Variants in ZMYND11 observed in about 807,000 individuals in gnomAD.
The protein encoded by ZMYND11 is zinc finger MYND domain-containing protein 11.
In ZMYND11, 9 loss-of-function variants were observed where a neutral mutation model predicts 84.9. The observed-to-expected ratio is 0.11, with a 90% CI of 0.06 to 0.18. The LOEUF (loss-of-function observed/expected upper bound fraction) is 0.18, where lower values mean the gene tolerates loss of function less well. Ranked by LOEUF, ZMYND11 falls within the 10% of genes least tolerant of loss-of-function variation. The probability of loss-of-function intolerance (pLI) is 1.00; values close to 1 mark genes in which losing one functional copy is unlikely to be tolerated. For synonymous variants in ZMYND11, 250 were observed against 244.1 expected (o/e 1.02, Z -0.23); for missense variants, 409 against 761.0 (o/e 0.54, Z 5.44).
intron 3 of ZMYND11, among the ~76,000 whole-genome samples, chr10:211,383 T>G (rs1588982174): frequency 6.6e-6 from 1 of 152,212 alleles, no homozygotes; most frequent in African/African-American, 2.4e-5. Flanking sequence ...CTCTAAAATC[T>G]AAAATTATAA....
At position 221,214 on chromosome 10, in the gene ZMYND11, A is replaced by G; in HGVS notation, c.296A>G (p.His99Arg). Residue 99 changes from histidine to arginine, a missense_variant, in exon 4 of 15, where the codon CAT becomes CGT. By Grantham distance (29) the His-to-Arg change is conservative (BLOSUM62 0). Coordinates refer to ENST00000381604, the MANE Select transcript of ZMYND11 (RefSeq NM_001370100.5). ...GDEIDWETEN[H>R]DWYCFECHLP... ...TTGTAGGACTGGGAAACAGAAAATC[A>G]TGACTGGTATTGTTTTGAATGCCAT... 1 of 1,613,792 alleles carries G rather than the reference A, an allele frequency of 6.2e-7. No individual in the cohort carries two copies. Among genetic ancestry groups the G allele is most frequent in the South Asian group, 1.1e-5 (1 of 91,048 alleles).
intron 2 of ZMYND11, among the ~76,000 whole-genome samples, chr10:203,559 G>C (rs1377988635): frequency 6.6e-6 from 1 of 152,144 alleles, no homozygotes; most frequent in Non-Finnish European, 1.5e-5. Context: ...TAAAATTACT[G>C]TGGATGAATA....
chr10:139,427 A>C (rs1836934133), intron 1 of ZMYND11, among the ~76,000 whole-genome samples: 1 of 152,270 alleles, frequency 6.6e-6, no homozygotes, highest in Admixed American at 6.5e-5. Context: ...ACATACTTTC[A>C]GTTACTTGCA....
chr10:242,146 T>G lies in ZMYND11; in HGVS notation c.950+7T>G. On this transcript the variant is annotated splice_region_variant and intron_variant, in intron 10 of 14. Transcript: ENST00000381604. Reference sequence around the variant, plus strand: ...TTGGCCACCACCACCAGAGGTAATTTGTGATCCCATGTTCAGCGGTCACAG... The same window carrying G: ...TTGGCCACCACCACCAGAGGTAATTGGTGATCCCATGTTCAGCGGTCACAG... The G allele has an allele frequency of 6.2e-7, 1 of 1,614,112 alleles. No homozygotes were observed.
At chr10:209,067 C>G (rs1944705472) in intron 2 of ZMYND11, among the ~76,000 whole-genome samples, 1 of 151,434 alleles carries the variant, frequency 6.6e-6, no homozygotes, top group African/African-American at 2.4e-5. Context: ...AGAGAGAGAT[C>G]AGCGTTGAGG....
At chr10:158,540 C>A (rs1355572666) in intron 1 of ZMYND11, among the ~76,000 whole-genome samples, 1 of 151,448 alleles carries the variant, frequency 6.6e-6, no homozygotes, top group African/African-American at 2.4e-5. Flanking sequence ...CTTCAGCCTC[C>A]TGAGTAGCTG....
intron 2 of ZMYND11, among the ~76,000 whole-genome samples, chr10:193,246 T>TATGTTTC (rs1422582927): frequency 2.0e-5 from 3 of 152,200 alleles, no homozygotes; most frequent in Non-Finnish European, 4.4e-5. Flanking sequence ...CTTATTATCT[T>TATGTTTC]ATGTTTCACT....
chr10:190,070 C>T (rs924771114), intron 2 of ZMYND11, among the ~76,000 whole-genome samples: 6 of 152,042 alleles, frequency 3.9e-5, no homozygotes, highest in Non-Finnish European at 7.4e-5. Context: ...TATCCTGTAG[C>T]GAGAGGGGAA....
intron 1 of ZMYND11, among the ~76,000 whole-genome samples, chr10:161,329 T>G (rs1230159408): frequency 6.6e-6 from 1 of 152,212 alleles, no homozygotes; most frequent in African/African-American, 2.4e-5. Context: ...ACCATTCTGT[T>G]AACAGACATG....
chr10:131,174 G>A (rs1368873368), upstream of ZMYND11, among the ~76,000 whole-genome samples: 1 of 152,164 alleles, frequency 6.6e-6, no homozygotes, highest in African/African-American at 2.4e-5. Flanking sequence ...AATTTTGAAG[G>A]AAAGAAGGCA....
chr10:157,840 A>G (rs879955688), intron 1 of ZMYND11, among the ~76,000 whole-genome samples: 2 of 152,274 alleles, frequency 1.3e-5, no homozygotes, highest in Non-Finnish European at 2.9e-5. Flanking sequence ...CACTACCCCA[A>G]AAAGAAACCC....
chr10:224,795 C>T (rs1180242262), intron 4 of ZMYND11, among the ~76,000 whole-genome samples: 2 of 152,116 alleles, frequency 1.3e-5, no homozygotes, highest in Non-Finnish European at 2.9e-5. Context: ...TGACCAGTTC[C>T]TCATGTAGCA....
Position 249,047 on chromosome 10 carries a change from C to A in ZMYND11, c.1645C>A (p.Gln549Lys). 1 of 1,614,196 alleles carries A rather than the reference C, an allele frequency of 6.2e-7. No individual in the cohort carries two copies. Among genetic ancestry groups the A allele is most frequent in the Non-Finnish European group, 8.5e-7 (1 of 1,180,012 alleles). ...AGAAGAAATCAAGAAGCTGGCAACA[C>A]AGCACAAGCAACTGATTTCTCAGAC... ...FVEEIKKLAT[Q>K]HKQLISQTKK... The change falls in exon 14 of 15, where the codon CAG becomes AAG. Residue 549 changes from glutamine to lysine, a missense_variant. By Grantham distance (53) the Gln-to-Lys change is moderately conservative (BLOSUM62 1). This residue lies in a region of ZMYND11 where 141 missense variants were observed against 173.8 expected (regional missense o/e 0.81). Coordinates refer to ENST00000381604, the MANE Select transcript of ZMYND11 (RefSeq NM_001370100.5).
chr10:172,792 C>T (rs959534494), intron 1 of ZMYND11, among the ~76,000 whole-genome samples: 1 of 152,048 alleles, frequency 6.6e-6, no homozygotes. Context: ...AGTCATCATA[C>T]TATTGAAGGA....
chr10:176,633 A>G (rs1846693198), intron 1 of ZMYND11, among the ~76,000 whole-genome samples: 1 of 152,168 alleles, frequency 6.6e-6, no homozygotes, highest in Non-Finnish European at 1.5e-5. Flanking sequence ...ATTTTGTACA[A>G]AATACTTTTG....
intron 1 of ZMYND11, among the ~76,000 whole-genome samples, chr10:165,445 C>G (rs1843773098): frequency 6.6e-6 from 1 of 152,140 alleles, no homozygotes. Flanking sequence ...ATATCCCCAG[C>G]TCACTAGCTC....
intron 4 of ZMYND11, among the ~76,000 whole-genome samples, chr10:231,842 T>C (rs1305555642): frequency 3.9e-5 from 6 of 152,224 alleles, no homozygotes; most frequent in Non-Finnish European, 7.3e-5. Context: ...ACAACCCTGC[T>C]TCAGACATGC....
At chr10:132,286 TAA>T (rs1198620333), upstream of ZMYND11, among the ~76,000 whole-genome samples, 2 of 148,516 alleles carry the variant, frequency 1.3e-5, no homozygotes, top group African/African-American at 4.9e-5. Context: ...ATATGTAATA[TAA>T]TATATATATT....
intron 1 of ZMYND11, among the ~76,000 whole-genome samples, chr10:139,547 T>C (rs966138516): frequency 5.3e-5 from 8 of 152,188 alleles, no homozygotes; most frequent in African/African-American, 1.9e-4. Context: ...TTTTGTCTTC[T>C]CTTAGTCTCC....
Sources: allele counts gnomAD v4.1 joint callset (sites outside exome capture counted in the v4.1 genomes callset), GRCh38; gene constraint gnomAD v4.1.1; regional missense constraint gnomAD v4.1.1; transcripts MANE v1.5; gene names NCBI Gene and HGNC (gene_info 2026-07-23, HGNC 2026-07-21).